Variants in ACTR3 observed in about 807,000 individuals in gnomAD.
ACTR3 encodes actin related protein 3, also known as actin-related protein 3.
A neutral mutation model predicts 56.8 loss-of-function variants in ACTR3; 12 were observed. The ratio of observed to expected loss-of-function variants is 0.21; its 90% CI spans 0.14 to 0.34. ACTR3 has a LOEUF of 0.34. Ranked by LOEUF, ACTR3 falls within the 10% of genes least tolerant of loss-of-function variation. The pLI, the probability that ACTR3 is intolerant of heterozygous loss-of-function variation, is 1.00. For missense variants in ACTR3, 282 were observed against 512.5 expected (o/e 0.55, Z 4.34); for synonymous variants, 162 against 167.4 (o/e 0.97, Z 0.25).
At chr2:113,899,362 C>G (rs930913148) in intron 1 of ACTR3, among the ~76,000 whole-genome samples, 1 of 149,322 alleles carries the variant, frequency 6.7e-6, no homozygotes, top group African/African-American at 2.5e-5. Flanking sequence ...AATGACTGCA[C>G]AAAACACATA....
intron 11 of ACTR3, among the ~76,000 whole-genome samples, chr2:113,956,234 A>G (rs1043274031): frequency 6.6e-6 from 1 of 151,918 alleles, no homozygotes; most frequent in Non-Finnish European, 1.5e-5. Flanking sequence ...TTTAAGATAG[A>G]AGAGTCCATC....
intron 1 of ACTR3, among the ~76,000 whole-genome samples, chr2:113,903,107 C>G (rs1679131824): frequency 6.6e-6 from 1 of 152,228 alleles, no homozygotes; most frequent in African/African-American, 2.4e-5. Context: ...CATCTTATAA[C>G]TGGAAACTTG....
Position 113,916,963 on chromosome 2 carries a change from C to T in ACTR3, c.180C>T (p.Phe60=). The change falls in exon 3 of 12, where the codon TTC becomes TTT. Residue 60 remains phenylalanine (F), a synonymous_variant. Coordinates refer to ENST00000263238, the MANE Select transcript of ACTR3 (RefSeq NM_005721.5). ...RVMKGVDDLD[F]FIGDEAIEKP... ...TGAAAGGTGTTGATGACCTAGACTT[C>T]TTCATTGGTGATGAAGCAATAGAAA... The T allele has an allele frequency of 6.2e-7, 1 of 1,609,494 alleles. No homozygotes were observed. The highest frequency in any genetic ancestry group is 8.5e-7 in the Non-Finnish European group (1 of 1,177,250).
chr2:113,951,966 G>T (rs1263148364), intron 10 of ACTR3, 121 bp downstream of exon 10: 20 of 1,253,440 alleles, frequency 1.6e-5, no homozygotes, highest in Middle Eastern at 1.9e-4. Flanking sequence ...GTATTCTAAT[G>T]GAAATGGTTA....
chr2:113,931,507 C>A, intron 5 of ACTR3, 111 bp downstream of exon 5: 1 of 549,156 alleles, frequency 1.8e-6, no homozygotes, highest in Non-Finnish European at 3.1e-6. Flanking sequence ...AACATAATGT[C>A]AAAGCATGTT....
At chr2:113,956,222 T>C (rs981184238) in intron 11 of ACTR3, among the ~76,000 whole-genome samples, 15 of 152,006 alleles carry the variant, frequency 9.9e-5, no homozygotes, top group African/African-American at 3.4e-4. Flanking sequence ...TATATATATA[T>C]ATTTAAGATA....
chr2:113,915,153 T>C (rs1021589270), intron 2 of ACTR3, among the ~76,000 whole-genome samples: 1 of 152,252 alleles, frequency 6.6e-6, no homozygotes, highest in Admixed American at 6.5e-5. Context: ...TAAGCTACCG[T>C]ACGTAACACA....
rs572058225 is a variant in ACTR3 at position 113,960,225 on chromosome 2, G to C, written c.*2770G>C. 26 of 152,016 alleles carry C rather than the reference G, an allele frequency of 1.7e-4. No homozygotes were observed. The East Asian group carries it at 4.4e-3, about 26-fold the overall frequency. 9.4% of individuals were successfully genotyped at this position (152,016 alleles called of 1,614,324 possible). A position where few individuals can be genotyped will look rare whatever the true frequency, so the allele number is the denominator to read the frequency against. ...TTGATGCCTGCTTTTCAAAAAGTGAGCAAATTTCACATCTTCACCCTTAGA... is the reference window on the plus strand; with the variant it reads ...TTGATGCCTGCTTTTCAAAAAGTGACCAAATTTCACATCTTCACCCTTAGA... On this transcript the variant is annotated 3_prime_UTR_variant, in exon 12 of 12. Coordinates refer to ENST00000263238, the MANE Select transcript of ACTR3 (RefSeq NM_005721.5).
At chr2:113,928,384 A>G (rs961385419) in intron 4 of ACTR3, among the ~76,000 whole-genome samples, 1 of 152,194 alleles carries the variant, frequency 6.6e-6, no homozygotes, top group African/African-American at 2.4e-5. Flanking sequence ...AATGGGAGTC[A>G]TTTGACCCCT....
At chr2:113,933,131 C>T (rs1429068566) in intron 5 of ACTR3, among the ~76,000 whole-genome samples, 1 of 152,098 alleles carries the variant, frequency 6.6e-6, no homozygotes, top group Non-Finnish European at 1.5e-5. Flanking sequence ...CAACGTTGCT[C>T]CATAATTAAA....
rs188051154 is a variant in ACTR3, at chr2:113,932,328, A to C, written c.432+932A>C. ...AGTCTTGAGTGGGAGGCCCTTTTTT[A>C]GTTCTTAGAATATGAATAAAATGAG... is the stretch of plus-strand genomic sequence containing the variant. On this transcript the variant is annotated intron_variant, in intron 5 of 11. Coordinates refer to ENST00000263238, the MANE Select transcript of ACTR3 (RefSeq NM_005721.5). 1.5e-3 allele frequency among the ~76,000 whole-genome samples: 226 copies of C among 152,236 alleles called. 6 individuals are homozygous for C. The highest frequency in any genetic ancestry group is 1.9e-3 in the South Asian group (9 of 4,824).
intron 3 of ACTR3, among the ~76,000 whole-genome samples, chr2:113,923,856 C>G (rs1235798649): frequency 6.6e-6 from 1 of 151,884 alleles, no homozygotes; most frequent in Non-Finnish European, 1.5e-5. Context: ...TCTCTACTTT[C>G]AGTTCCTTGA....
At chr2:113,896,804 A>G (rs1461783834) in intron 1 of ACTR3, among the ~76,000 whole-genome samples, 3 of 152,212 alleles carry the variant, frequency 2.0e-5, no homozygotes, top group Non-Finnish European at 2.9e-5. Context: ...TATGCTGACA[A>G]TCTTATCTCC....
intron 4 of ACTR3, among the ~76,000 whole-genome samples, chr2:113,931,035 T>C (rs1340216945): frequency 6.6e-6 from 1 of 152,188 alleles, no homozygotes; most frequent in Non-Finnish European, 1.5e-5. Flanking sequence ...CATTTCTTTT[T>C]AATGTTTAAT....
chr2:113,926,548 A>G (rs62169884), intron 3 of ACTR3, among the ~76,000 whole-genome samples: 7,152 of 152,230 alleles, frequency 0.047, 229 homozygotes, highest in Non-Finnish European at 0.071. Context: ...CATCTGATCA[A>G]CCTCTGGTAA....
chr2:113,917,050 A>G (rs371368989), intron 3 of ACTR3, 42 bp downstream of exon 3: 136 of 1,532,806 alleles, frequency 8.9e-5, no homozygotes, highest in Non-Finnish European at 1.1e-4. Context: ...TTCAAAAAAT[A>G]GTTTGTTCGA....
rs1219446593 is a variant in ACTR3 at position 113,961,308 on chromosome 2, A to ATT, written c.*3853_*3854insTT. On this transcript the variant is annotated 3_prime_UTR_variant, in exon 12 of 12. Transcript: ENST00000263238. ...CATTTGGAGCTTGGGTGCTGAAATT[A>ATT]AATATAACCTATTTGAGTTAAGGAT... 6.6e-6 allele frequency: 1 copy of ATT among 151,982 alleles called. No individual in the cohort carries two copies. Among genetic ancestry groups the ATT allele is most frequent in the African/African-American group, 2.4e-5 (1 of 41,418 alleles). The allele number at this position is 151,982 out of a possible 1,614,324, so 9.4% of individuals were successfully genotyped here.
intron 10 of ACTR3, 165 bp downstream of exon 10, chr2:113,952,010 C>T: frequency 1.1e-6 from 1 of 901,094 alleles, no homozygotes; most frequent in Non-Finnish European, 1.6e-6. Context: ...TATTCTGGAT[C>T]ATTTGATTCT....
intron 1 of ACTR3, among the ~76,000 whole-genome samples, chr2:113,908,184 A>G (rs1432155346): frequency 6.6e-6 from 1 of 151,588 alleles, no homozygotes; most frequent in Non-Finnish European, 1.5e-5. Context: ...GAATTTAAAG[A>G]TAGTGATTAC....
Sources: allele counts gnomAD v4.1 joint callset (sites outside exome capture counted in the v4.1 genomes callset), GRCh38; gene constraint gnomAD v4.1.1; transcripts MANE v1.5; gene names NCBI Gene and HGNC (gene_info 2026-07-23, HGNC 2026-07-21).